The following DLGAP1 variants were observed in gnomAD, a reference collection of about 807,000 sequenced individuals.
DLGAP1 encodes the protein disks large-associated protein 1.
In DLGAP1, 11 loss-of-function variants were observed where a neutral mutation model predicts 90.8. The observed-to-expected ratio is 0.12, with a 90% CI of 0.08 to 0.20. DLGAP1 has a LOEUF of 0.20. Among genes scored for constraint, DLGAP1 ranks in the 10% least tolerant of loss-of-function variants. The pLI is 1.00. For synonymous variants in DLGAP1, 558 were observed against 540.7 expected (o/e 1.03, Z -0.44); for missense variants, 1,050 against 1,333.8 (o/e 0.79, Z 3.31).
At chr18:3,795,356 G>GC (rs1357338099) in intron 5 of DLGAP1, among the ~76,000 whole-genome samples, 3 of 151,966 alleles carry the variant, frequency 2.0e-5, no homozygotes, top group Admixed American at 1.3e-4. Flanking sequence ...TCTCTCTGTT[G>GC]CCAGGCTGGA....
intron 1 of DLGAP1, among the ~76,000 whole-genome samples, chr18:4,225,868 T>G (rs1027837411): frequency 6.6e-6 from 1 of 151,836 alleles, no homozygotes; most frequent in Admixed American, 6.6e-5. Context: ...GAGAGAGAGA[T>G]AGAGGTAGAA....
intron 9 of DLGAP1, among the ~76,000 whole-genome samples, chr18:3,554,188 G>C (rs2053626102): frequency 1.3e-5 from 2 of 152,134 alleles, no homozygotes; most frequent in South Asian, 4.2e-4. Context: ...ACCATCAAAA[G>C]GATGAGAGAC....
chr18:3,813,267 A>G (rs936132228), intron 5 of DLGAP1, among the ~76,000 whole-genome samples: 1 of 152,236 alleles, frequency 6.6e-6, no homozygotes, highest in East Asian at 1.9e-4. Flanking sequence ...ACATAAACAA[A>G]TACTTACCAT....
intron 8 of DLGAP1, among the ~76,000 whole-genome samples, chr18:3,572,509 G>T (rs535654189): frequency 6.6e-6 from 1 of 150,844 alleles, no homozygotes; most frequent in African/African-American, 2.4e-5. Flanking sequence ...GTGCAGTGGC[G>T]CAATCTAAGC....
intron 1 of DLGAP1, among the ~76,000 whole-genome samples, chr18:4,404,851 T>G (rs1006387223): frequency 6.6e-6 from 1 of 152,170 alleles, no homozygotes; most frequent in South Asian, 2.1e-4. Flanking sequence ...AGGCACCTAA[T>G]AGTTTGATTT....
chr18:3,548,782 ATTCC>A (rs1355980355), intron 9 of DLGAP1, among the ~76,000 whole-genome samples: 2 of 152,212 alleles, frequency 1.3e-5, no homozygotes, highest in African/African-American at 4.8e-5. Flanking sequence ...CAGGCCTGTA[ATTCC>A]AGCACTTTTG....
At chr18:4,096,523 C>CT (rs879827010) in intron 2 of DLGAP1, among the ~76,000 whole-genome samples, 185 of 145,874 alleles carry the variant, frequency 1.3e-3, no homozygotes, top group Middle Eastern at 3.6e-3. Flanking sequence ...TTTTGCCATT[C>CT]TTTTTTTTTT....
At chr18:3,817,929 A>G (rs1289215395) in intron 4 of DLGAP1, among the ~76,000 whole-genome samples, 1 of 152,210 alleles carries the variant, frequency 6.6e-6, no homozygotes, top group Non-Finnish European at 1.5e-5. Flanking sequence ...CAGGAGCTGG[A>G]AGTCTTGGTA....
intron 2 of DLGAP1, among the ~76,000 whole-genome samples, chr18:4,113,035 A>G (rs895223465): frequency 1.3e-5 from 2 of 151,910 alleles, no homozygotes; most frequent in Non-Finnish European, 2.9e-5. Context: ...GGTTGAGTCC[A>G]TGTCTTCGCT....
chr18:4,202,624 T>C (rs778492777), intron 1 of DLGAP1, among the ~76,000 whole-genome samples: 5 of 152,150 alleles, frequency 3.3e-5, no homozygotes, highest in Admixed American at 6.5e-5. Flanking sequence ...AAATCAAGTA[T>C]GGATTTTGTA....
chr18:3,522,018 C>T (rs2051225610), intron 10 of DLGAP1, among the ~76,000 whole-genome samples: 1 of 151,534 alleles, frequency 6.6e-6, no homozygotes, highest in Admixed American at 6.6e-5. Context: ...TAGTGACTAG[C>T]CTGGAAAAGT....
intron 7 of DLGAP1, among the ~76,000 whole-genome samples, chr18:3,692,278 G>T (rs1018950459): frequency 6.6e-6 from 1 of 151,712 alleles, no homozygotes; most frequent in African/African-American, 2.4e-5. Context: ...TTTTTGGAGT[G>T]TTTTTTTTGT....
At chr18:3,656,153 C>T (rs777670538) in intron 7 of DLGAP1, 20 of 1,529,184 alleles carry the variant, frequency 1.3e-5, no homozygotes, top group Non-Finnish European at 1.6e-5. Flanking sequence ...ATAATGGACC[C>T]AAATCGCCTT....
intron 7 of DLGAP1, among the ~76,000 whole-genome samples, chr18:3,599,987 A>G (rs1033647032): frequency 2.7e-5 from 4 of 150,658 alleles, no homozygotes; most frequent in African/African-American, 9.8e-5. Context: ...TGGTGTGATC[A>G]TGGCTCACTA....
chr18:3,762,882 A>AC (rs1259413699), intron 5 of DLGAP1, among the ~76,000 whole-genome samples: 11 of 152,184 alleles, frequency 7.2e-5, no homozygotes, highest in African/African-American at 2.7e-4. Flanking sequence ...ACAAGAAGGC[A>AC]CCCCGAATGA....
chr18:4,267,685 T>G (rs2079160610), intron 1 of DLGAP1, among the ~76,000 whole-genome samples: 1 of 152,134 alleles, frequency 6.6e-6, no homozygotes, highest in Non-Finnish European at 1.5e-5. Flanking sequence ...TTTAGTTGGG[T>G]GGTTCTGGCT....
At chr18:3,687,907 G>GTTTTT (rs34437512) in intron 7 of DLGAP1, among the ~76,000 whole-genome samples, 2 of 133,224 alleles carry the variant, frequency 1.5e-5, no homozygotes, top group Admixed American at 7.7e-5. Context: ...CTCAGAGACT[G>GTTTTT]TTTTTTTTTT....
intron 4 of DLGAP1, among the ~76,000 whole-genome samples, chr18:3,839,818 C>G (rs2068612782): frequency 1.3e-5 from 2 of 152,336 alleles, no homozygotes; most frequent in South Asian, 4.1e-4. Flanking sequence ...TTCTAAGATT[C>G]ATGCCTGGTT....
chr18:3,712,906 G>A (rs140717513), intron 7 of DLGAP1, among the ~76,000 whole-genome samples: 27 of 152,372 alleles, frequency 1.8e-4, no homozygotes, highest in South Asian at 1.2e-3. Flanking sequence ...ATTCGTGGGA[G>A]TGAAGTTGTT....
Sources: gnomAD v4.1 joint callset for allele counts (sites outside exome capture counted in the v4.1 genomes callset) on GRCh38, gnomAD v4.1.1 for gene constraint, MANE v1.5 for transcripts, NCBI Gene and HGNC (gene_info 2026-07-23, HGNC 2026-07-21) for gene names.